SEPTIN3: variants seen among roughly 807,000 people sequenced by gnomAD.
SEPTIN3 encodes the protein neuronal-specific septin-3.
Under a neutral mutation model 45.1 loss-of-function variants are expected in SEPTIN3, and 15 were observed. The ratio of observed to expected loss-of-function variants is 0.33; its 90% CI spans 0.22 to 0.51. The LOEUF is 0.51. SEPTIN3 is among the 20% of genes least tolerant of loss of function. SEPTIN3 has a pLI of 0.97. For synonymous variants in SEPTIN3, 148 were observed against 164.8 expected, an observed-to-expected ratio of 0.90 and a Z score of 0.78; for missense variants, 289 against 457.2, an observed-to-expected ratio of 0.63 and a Z score of 3.35.
rs1921082796 is a variant in SEPTIN3, at chr22:41,998,079, T to C, written c.*1112T>C. ...ATGCAAGAACAACCCGTTTCTTAAA[T>C]GTTACCAGTCCCAGCCAATCTTACG... On this transcript the variant is annotated 3_prime_UTR_variant, in exon 12 of 12. Coordinates refer to ENST00000644076, the MANE Select transcript of SEPTIN3 (RefSeq NM_001363845.2). The C allele has an allele frequency of 6.5e-6, 1 of 152,688 alleles. No homozygotes were observed. The highest frequency in any genetic ancestry group is 1.5e-5 in the Non-Finnish European group (1 of 68,044). 9.5% of individuals were successfully genotyped at this position (152,688 alleles called of 1,614,324 possible). A position where few individuals can be genotyped will look rare whatever the true frequency, so the allele number is the denominator to read the frequency against.
rs2078207374 is a variant in SEPTIN3 at position 41,986,343 on chromosome 22, A to G, written c.1825+231A>G. The stretch of plus-strand genomic sequence containing the variant: ...TTTGAGGTGGATGATAAAGTACAGG[A>G]TTTAGACAGGTAGAAAGAGGTAAGG... On this transcript the variant is annotated intron_variant, in intron 4 of 11. Transcript: ENST00000644076. Among the ~76,000 whole-genome samples the G allele has an allele frequency of 5.9e-5, 9 of 152,260 alleles. No individual in the cohort carries two copies. The South Asian group carries it at 1.9e-3, about 32-fold the overall frequency.
At chr22:41,969,968 G>C (rs985816842) in intron 1 of SEPTIN3, among the ~76,000 whole-genome samples, 4 of 152,106 alleles carry the variant, frequency 2.6e-5, no homozygotes, top group African/African-American at 9.7e-5. Context: ...AGGTGGGAAA[G>C]GGTTGGAGGC....
chr22:41,991,938 G>T (rs956908559), intron 8 of SEPTIN3, among the ~76,000 whole-genome samples: 2 of 152,088 alleles, frequency 1.3e-5, no homozygotes, highest in Non-Finnish European at 1.5e-5. Flanking sequence ...AGTATTTGGG[G>T]TGATGGGAGG....
chr22:41,992,066 C>T (rs981784066), intron 8 of SEPTIN3, among the ~76,000 whole-genome samples: 2 of 152,078 alleles, frequency 1.3e-5, no homozygotes, highest in Non-Finnish European at 2.9e-5. Context: ...TTATAGGCTT[C>T]CCCCGCTAGA....
At chr22:41,978,169 C>G (rs2078060898) in intron 2 of SEPTIN3, among the ~76,000 whole-genome samples, 2 of 152,202 alleles carry the variant, frequency 1.3e-5, no homozygotes, top group Non-Finnish European at 2.9e-5. Context: ...ACAGCCATTG[C>G]TCACTGGGGG....
chr22:41,977,644 C>T (rs739293), intron 2 of SEPTIN3, among the ~76,000 whole-genome samples: 106,657 of 142,680 alleles, frequency 0.75, 39,589 homozygotes, highest in East Asian at 0.9. Flanking sequence ...TTGTGGGGGG[C>T]GGTGGGGTCC....
At chr22:41,981,623 C>T (rs1294242319) in intron 2 of SEPTIN3, 22 bp from the exon 3 acceptor site, 2 of 1,597,148 alleles carry the variant, frequency 1.3e-6, no homozygotes, top group African/African-American at 1.3e-5. Flanking sequence ...CCCCTCCGAC[C>T]CCTCCCACCT....
chr22:41,973,773 G>A (rs888465165), intron 2 of SEPTIN3, among the ~76,000 whole-genome samples: 5 of 152,054 alleles, frequency 3.3e-5, no homozygotes, highest in South Asian at 2.1e-4. Context: ...TTGCGGTCAG[G>A]AGTTCAAGAC....
Position 41,994,920 on chromosome 22 carries a change from TGTGA to T in SEPTIN3, c.2505+207_2505+210del, listed in dbSNP as rs2078401834. ...GTGTGTGTGTGTGTGTGTGTGTGTG[TGTGA>T]CAGAGAGAGAGCGAGAGAGCCTGTG... is the stretch of plus-strand genomic sequence containing the variant. On this transcript the variant is annotated intron_variant, in intron 11 of 11. Coordinates refer to ENST00000644076, the MANE Select transcript of SEPTIN3 (RefSeq NM_001363845.2). The surrounding 1 kb of genome is among the most constrained non-coding windows in gnomAD (Gnocchi z 4.2). 1.4e-5 allele frequency: 20 copies of T among 1,433,472 alleles called. No homozygotes were observed. In the South Asian group the frequency reaches 1.7e-4, roughly 12 times the overall value. The allele number at this position is 1,433,472 out of a possible 1,614,324, so 88.8% of individuals were successfully genotyped here. A position where few individuals can be genotyped will look rare whatever the true frequency, so the allele number is the denominator to read the frequency against.
At position 41,994,875 on chromosome 22, in the gene SEPTIN3, C is replaced by A; in HGVS notation, c.2505+161C>A. The A allele has an allele frequency of 1.3e-6, 2 of 1,506,226 alleles. No homozygotes were observed. The highest frequency in any genetic ancestry group is 1.8e-6 in the Non-Finnish European group (2 of 1,133,694). The allele number at this position is 1,506,226 out of a possible 1,614,324, so 93.3% of individuals were successfully genotyped here. The stretch of plus-strand genomic sequence containing the variant: ...ACAGGCCTGTCTGGTATTTGTGGAG[C>A]ATCTTGTCTGTGTGTGTGTGTGTGT... On this transcript the variant is annotated intron_variant, in intron 11 of 11. Coordinates refer to ENST00000644076, the MANE Select transcript of SEPTIN3 (RefSeq NM_001363845.2). The surrounding 1 kb of genome is among the most constrained non-coding windows in gnomAD (Gnocchi z 4.2).
At chr22:41,991,470 C>A in intron 7 of SEPTIN3, 103 bp from the exon 8 acceptor site, 1 of 801,978 alleles carries the variant, frequency 1.2e-6, no homozygotes, top group South Asian at 1.4e-5. Context: ...TTATCCAAGG[C>A]TGGATTTGGC....
At position 41,982,069 on chromosome 22, in the gene SEPTIN3, G is replaced by A. The variant is rs932896449; in HGVS notation, c.1696+233G>A. 9 of 552,678 alleles carry A rather than the reference G, an allele frequency of 1.6e-5. No individual in the cohort carries two copies. The African/African-American group carries it at 1.7e-4, about 10-fold the overall frequency. 34.2% of individuals were successfully genotyped at this position (552,678 alleles called of 1,614,324 possible). A position where few individuals can be genotyped will look rare whatever the true frequency, so the allele number is the denominator to read the frequency against. On this transcript the variant is annotated intron_variant, in intron 3 of 11. Coordinates refer to ENST00000644076, the MANE Select transcript of SEPTIN3 (RefSeq NM_001363845.2). ...CCCAGCCCCCCATCACCAGCTCGGT[G>A]TACACAGGCAGCCCCTTCACCACTC...
At position 41,996,169 on chromosome 22, in the gene SEPTIN3, T is replaced by C. The variant is rs116140024; in HGVS notation, c.2506-733T>C. 281 of 985,400 alleles carry C rather than the reference T, an allele frequency of 2.9e-4. No individual in the cohort carries two copies. The African/African-American group carries it at 4.2e-3, about 15-fold the overall frequency. 61.0% of individuals were successfully genotyped at this position (985,400 alleles called of 1,614,324 possible). On this transcript the variant is annotated intron_variant, in intron 11 of 11. Coordinates refer to ENST00000644076, the MANE Select transcript of SEPTIN3 (RefSeq NM_001363845.2). Reference sequence around the variant, plus strand: ...TGACTCCTGTAGACATTCCCAATGATACCCACCGTCATACATTTAGGCTTT... The same window carrying C: ...TGACTCCTGTAGACATTCCCAATGACACCCACCGTCATACATTTAGGCTTT...
Position 41,986,030 on chromosome 22 carries a change from A to G in SEPTIN3, c.1743A>G (p.Lys581=). The change falls in exon 4 of 12, where the codon AAA becomes AAG. Residue 581 remains lysine (K), a synonymous_variant. Transcript: ENST00000644076. ...GKSTLVNTLF[K]SQVSRKASSW... ...CAACGCTGGTCAACACGCTCTTCAA[A>G]TCCCAAGTGAGCCGCAAGGCCTCCA... 6.2e-7 allele frequency: 1 copy of G among 1,613,722 alleles called. No homozygotes were observed. Among genetic ancestry groups the G allele is most frequent in the Non-Finnish European group, 8.5e-7 (1 of 1,179,802 alleles).
At chr22:41,974,200 A>C (rs901282485) in intron 2 of SEPTIN3, among the ~76,000 whole-genome samples, 9 of 151,804 alleles carry the variant, frequency 5.9e-5, no homozygotes, top group African/African-American at 2.2e-4. Context: ...GTGGAGGAGC[A>C]ATTATGGTGA....
In SEPTIN3 at chr22:41,989,555, T is replaced by C; in HGVS notation, c.2046-12T>C. ...AGGTGGCTCTGATGATTCTGCCTTTTCTGTGCCCCAGCTTGCGACCTCTGG... is the reference window on the plus strand; with the variant it reads ...AGGTGGCTCTGATGATTCTGCCTTTCCTGTGCCCCAGCTTGCGACCTCTGG... On this transcript the variant is annotated splice_polypyrimidine_tract_variant and intron_variant, in intron 6 of 11. Transcript: ENST00000644076. 6.3e-7 allele frequency: 1 copy of C among 1,599,542 alleles called. No individual in the cohort carries two copies. Among genetic ancestry groups the C allele is most frequent in the East Asian group, 2.2e-5 (1 of 44,818 alleles).
intron 2 of SEPTIN3, among the ~76,000 whole-genome samples, chr22:41,980,778 C>G (rs2078108501): frequency 6.6e-6 from 1 of 152,160 alleles, no homozygotes; most frequent in Non-Finnish European, 1.5e-5. Context: ...CCTCAGCCTT[C>G]TCTTTCATCT....
At chr22:41,989,535 G>T (rs1383858974) in intron 6 of SEPTIN3, 32 bp from the exon 7 acceptor site, 1 of 1,457,720 alleles carries the variant, frequency 6.9e-7, no homozygotes, top group African/African-American at 1.4e-5. Flanking sequence ...GGGCAAGGTG[G>T]CTCTGATGAT....
chr22:41,980,318 A>T, intron 2 of SEPTIN3, among the ~76,000 whole-genome samples: 1 of 151,770 alleles, frequency 6.6e-6, no homozygotes, highest in East Asian at 1.9e-4. Context: ...TTGTATTTTT[A>T]ATAGAGACAG....
Sources: gnomAD v4.1 joint callset for allele counts (sites outside exome capture counted in the v4.1 genomes callset) on GRCh38, gnomAD v4.1.1 for gene constraint, Gnocchi (gnomAD v3.1) non-coding constraint, MANE v1.5 for transcripts, NCBI Gene and HGNC (gene_info 2026-07-23, HGNC 2026-07-21) for gene names.